The following ALDH1A2 variants were observed in gnomAD, a reference collection of about 807,000 sequenced individuals.
The protein encoded by ALDH1A2 is retinal dehydrogenase 2.
A neutral mutation model predicts 60.3 loss-of-function variants in ALDH1A2; 27 were observed. The observed-to-expected ratio is 0.45, with a 90% CI of 0.33 to 0.62. The LOEUF is 0.62. Ranked by LOEUF, ALDH1A2 falls within the 20% of genes least tolerant of loss-of-function variation. The pLI, the probability that ALDH1A2 is intolerant of heterozygous loss-of-function variation, is 0.02. For synonymous variants in ALDH1A2, 289 were observed against 232.4 expected, an observed-to-expected ratio of 1.24 and a Z score of -2.21; for missense variants, 581 against 643.8, an observed-to-expected ratio of 0.90 and a Z score of 1.06.
chr15:57,955,278 C>T lies in ALDH1A2; in HGVS notation c.1485-9G>A, dbSNP rs761037111. ...GCAAGCCAAATTCTCCCCTGAAACA[C>T]AGAAATGGGCCGGGTCAGATACCAG... On this transcript the variant is annotated splice_polypyrimidine_tract_variant and intron_variant, in intron 12 of 12. Coordinates refer to ENST00000249750, the MANE Select transcript of ALDH1A2 (RefSeq NM_003888.4). The T allele has an allele frequency of 6.2e-7, 1 of 1,614,018 alleles. No homozygotes were observed. The highest frequency in any genetic ancestry group is 8.5e-7 in the Non-Finnish European group (1 of 1,179,992).
intron 7 of ALDH1A2, chr15:57,991,496 T>C (rs1176253243): frequency 1.3e-5 from 2 of 152,200 alleles, no homozygotes; most frequent in African/African-American, 4.8e-5. Flanking sequence ...TAATTAACTC[T>C]GTATCAACTG....
At chr15:58,028,044 G>C (rs770610015) in intron 1 of ALDH1A2, among the ~76,000 whole-genome samples, 6 of 152,084 alleles carry the variant, frequency 3.9e-5, no homozygotes, top group Non-Finnish European at 8.8e-5. Flanking sequence ...AGGAAATACA[G>C]AGACCACCAC....
Position 58,001,034 on chromosome 15 carries a change from T to TAAAAAA in ALDH1A2, c.494-5901_494-5896dup, listed in dbSNP as rs10641902. On this transcript the variant is annotated intron_variant, in intron 4 of 12. Transcript: ENST00000249750. ...TGTATTTTTAATACTTCAAAATTGT[T>TAAAAAA]AAAAAAAAAAAAAAAAAAAGAATGA... is the stretch of plus-strand genomic sequence containing the variant. 1.3e-4 allele frequency among the ~76,000 whole-genome samples: 17 copies of TAAAAAA among 126,188 alleles called. 2 individuals are homozygous for TAAAAAA. Among genetic ancestry groups the TAAAAAA allele is most frequent in the East Asian group, 2.4e-4 (1 of 4,198 alleles). 82.8% of individuals were successfully genotyped at this position (126,188 alleles called of 152,430 possible).
chr15:57,999,435 A>G (rs1420706271), intron 4 of ALDH1A2, among the ~76,000 whole-genome samples: 1 of 152,154 alleles, frequency 6.6e-6, no homozygotes, highest in Non-Finnish European at 1.5e-5. Context: ...AAAACATGAA[A>G]AAAAGCTCAT....
At chr15:57,958,419 A>G (rs1410122233) in intron 12 of ALDH1A2, among the ~76,000 whole-genome samples, 1 of 152,216 alleles carries the variant, frequency 6.6e-6, no homozygotes, top group Non-Finnish European at 1.5e-5. Context: ...GGACAGGAAA[A>G]GTGAAACAGG....
In ALDH1A2 at chr15:58,065,433, C is replaced by G. The variant is rs534229506; in HGVS notation, c.117+101G>C. The G allele has an allele frequency of 1.4e-3, 1,478 of 1,063,850 alleles. 20 individuals carry two copies. Among genetic ancestry groups the G allele is most frequent in the South Asian group, 0.014 (1,094 of 79,710 alleles). The allele number at this position is 1,063,850 out of a possible 1,614,324, so 65.9% of individuals were successfully genotyped here. A position where few individuals can be genotyped will look rare whatever the true frequency, so the allele number is the denominator to read the frequency against. ...GGGATGACAGGCTGGCCCCGACGAC[C>G]CCGGCCCCGTCCCGCAGCCCTCACC... is the stretch of plus-strand genomic sequence containing the variant. On this transcript the variant is annotated intron_variant, in intron 1 of 12. Coordinates refer to ENST00000249750, the MANE Select transcript of ALDH1A2 (RefSeq NM_003888.4).
intron 7 of ALDH1A2, chr15:57,991,296 C>G (rs72757095): frequency 6.6e-6 from 1 of 152,298 alleles, no homozygotes; most frequent in Non-Finnish European, 1.5e-5. Flanking sequence ...CCCTTTCATA[C>G]TCACATTTTG....
intron 7 of ALDH1A2, among the ~76,000 whole-genome samples, chr15:57,991,273 A>G (rs1286963369): frequency 1.3e-5 from 2 of 152,242 alleles, no homozygotes; most frequent in African/African-American, 2.4e-5. Flanking sequence ...AAACTTCAGA[A>G]TAATTAATAA....
chr15:57,960,913 T>C (rs1286684738), intron 11 of ALDH1A2, 69 bp from the exon 12 acceptor site: 3 of 1,453,798 alleles, frequency 2.1e-6, no homozygotes, highest in Non-Finnish European at 2.9e-6. Flanking sequence ...TGGCATGGTA[T>C]TTCTTTTAGA....
intron 7 of ALDH1A2, chr15:57,980,206 T>C: frequency 3.2e-6 from 1 of 312,502 alleles, no homozygotes; most frequent in Non-Finnish European, 6.6e-6. Flanking sequence ...CCTGCTTCTC[T>C]GAGTATTTGA....
intron 7 of ALDH1A2, chr15:57,980,355 A>G (rs531409889): frequency 5.0e-6 from 2 of 396,130 alleles, no homozygotes; most frequent in African/African-American, 2.1e-5. Flanking sequence ...TTCATGTCAT[A>G]GCTGACTACA....
intron 1 of ALDH1A2, among the ~76,000 whole-genome samples, chr15:58,064,040 C>A (rs1350467318): frequency 1.3e-5 from 2 of 152,134 alleles, no homozygotes; most frequent in African/African-American, 2.4e-5. Flanking sequence ...TTAGAAAAAT[C>A]CCATCAAAAA....
intron 1 of ALDH1A2, among the ~76,000 whole-genome samples, chr15:58,035,745 T>C (rs1405308092): frequency 3.3e-5 from 5 of 151,764 alleles, no homozygotes; most frequent in Non-Finnish European, 5.9e-5. Flanking sequence ...TTTAGTTTAA[T>C]TCCACTGTAA....
intron 1 of ALDH1A2, among the ~76,000 whole-genome samples, chr15:58,052,735 G>C (rs908011850): frequency 5.3e-5 from 8 of 152,172 alleles, no homozygotes; most frequent in African/African-American, 1.7e-4. Flanking sequence ...ATAAGTGACA[G>C]AGCTGGGGTC....
At chr15:58,058,117 A>G (rs1191829121) in intron 1 of ALDH1A2, 14 of 1,507,186 alleles carry the variant, frequency 9.3e-6, no homozygotes, top group South Asian at 8.4e-5. Flanking sequence ...ACCTAGAGAA[A>G]TAAGACTTTC....
intron 1 of ALDH1A2, among the ~76,000 whole-genome samples, chr15:58,018,943 G>GA (rs1339563200): frequency 3.2e-4 from 48 of 151,586 alleles, no homozygotes; most frequent in East Asian, 5.8e-4. Flanking sequence ...GATGGGCCAG[G>GA]AAAAAAAATA....
chr15:58,005,344 C>T (rs545690997), intron 4 of ALDH1A2, among the ~76,000 whole-genome samples: 4 of 151,808 alleles, frequency 2.6e-5, no homozygotes, highest in East Asian at 1.9e-4. Context: ...GCAGTTGCTT[C>T]GCTACTTGTT....
At chr15:57,984,920 A>G (rs1268155925) in intron 7 of ALDH1A2, among the ~76,000 whole-genome samples, 3 of 152,148 alleles carry the variant, frequency 2.0e-5, no homozygotes, top group African/African-American at 7.2e-5. Context: ...GGAGTATTAC[A>G]TTGATTTTTT....
At chr15:58,056,842 C>A (rs1193474237) in intron 1 of ALDH1A2, among the ~76,000 whole-genome samples, 1 of 152,078 alleles carries the variant, frequency 6.6e-6, no homozygotes. Context: ...GATGCCATTT[C>A]ACACTTACCA....
Sources: allele counts gnomAD v4.1 joint callset (sites outside exome capture counted in the v4.1 genomes callset), GRCh38; gene constraint gnomAD v4.1.1; transcripts MANE v1.5; gene names NCBI Gene and HGNC (gene_info 2026-07-23, HGNC 2026-07-21).